Variants in WDR53 observed in about 807,000 individuals in gnomAD.
The protein encoded by WDR53 is WD repeat-containing protein 53.
Under a neutral mutation model 21.3 loss-of-function variants are expected in WDR53, and 19 were observed. The ratio of observed to expected loss-of-function variants is 0.89; its 90% CI spans 0.62 to 1.31. WDR53 has a LOEUF of 1.31. WDR53 is among the 50% of genes most tolerant of loss of function. The pLI is 0.00. For synonymous variants in WDR53, 157 were observed against 163.4 expected (o/e 0.96, Z 0.30); for missense variants, 374 against 423.2 (o/e 0.88, Z 1.02).
intron 3 of WDR53, among the ~76,000 whole-genome samples, chr3:196,558,789 A>AT: frequency 6.6e-6 from 1 of 152,238 alleles, no homozygotes; most frequent in South Asian, 2.1e-4. Flanking sequence ...CTGTGGAAAT[A>AT]ATTATAGAGT....
intron 3 of WDR53, among the ~76,000 whole-genome samples, chr3:196,558,670 G>A (rs1206008526): frequency 1.3e-5 from 2 of 152,226 alleles, no homozygotes; most frequent in Non-Finnish European, 2.9e-5. Context: ...ACTCAAAATA[G>A]TCAGAACTCC....
At position 196,554,677 on chromosome 3, in the gene WDR53, GA is replaced by G; in HGVS notation, c.610del (p.Ser204LeufsTer23). On this transcript the variant is annotated frameshift_variant, in exon 4 of 4. Transcript: ENST00000332629. LOFTEE classifies it high-confidence loss of function. ...AAAAATATTACCACACGAAGCCACA[GA>G]GATAGAATGGGCTAGGGCAGGGTTT... ...LLNPALAHSI[S>X]VASCGNIFSC... 1 of 1,614,192 alleles carries G rather than the reference GA, an allele frequency of 6.2e-7. No homozygotes were observed. Among genetic ancestry groups the G allele is most frequent in the Non-Finnish European group, 8.5e-7 (1 of 1,180,034 alleles).
At chr3:196,559,873 T>TATTTATTTATTAAAAATAAA (rs1401456738) in intron 3 of WDR53, among the ~76,000 whole-genome samples, 1 of 148,244 alleles carries the variant, frequency 6.7e-6, no homozygotes, top group Admixed American at 6.6e-5. Context: ...TGAATTTCAG[T>TATTTATTTATTAAAAATAAA]TTCTTTATTT....
In WDR53 at chr3:196,561,100, T is replaced by G. The variant is rs771256300; in HGVS notation, c.376A>C (p.Lys126Gln). 1 of 1,614,254 alleles carries G rather than the reference T, an allele frequency of 6.2e-7. No homozygotes were observed. The highest frequency in any genetic ancestry group is 1.7e-5 in the Admixed American group (1 of 60,028). ...GAIKILDLEN[K>Q]KVIRSLKRHS... ...CTCTTCAAGGATCTGATAACTTTCT[T>G]GTTTTCCAAGTCTAGGATTTTGATT... Residue 126 changes from lysine to glutamine, a missense_variant, in exon 3 of 4, where the codon AAG (lysine) becomes CAG (glutamine). Physicochemically the swap from Lys to Gln is moderately conservative, Grantham distance 53. Transcript: ENST00000332629.
In WDR53 at chr3:196,561,177, A is replaced by C; in HGVS notation, c.299T>G (p.Leu100Arg). 1 of 1,614,236 alleles carries C rather than the reference A, an allele frequency of 6.2e-7. No homozygotes were observed. The highest frequency in any genetic ancestry group is 8.5e-7 in the Non-Finnish European group (1 of 1,180,048). ...CAGGTTTTCCGTTTGATTCAATGAA[A>C]GACAATTGATTTCTTCTTCATTCAC... is the stretch of plus-strand genomic sequence containing the variant. ...FHVNEEEINC[L>R]SLNQTENLLA... Residue 100 changes from leucine to arginine, a missense_variant, in exon 3 of 4, where the codon CTT (leucine) becomes CGT (arginine). Transcript: ENST00000332629.
At chr3:196,554,951 C>T in intron 3 of WDR53, 144 bp from the exon 4 acceptor site, 2 of 662,812 alleles carry the variant, frequency 3.0e-6, no homozygotes, top group Non-Finnish European at 5.1e-6. Flanking sequence ...AAAAAATAAT[C>T]AAATGCTGCC....
chr3:196,557,905 G>T (rs1734481986), intron 3 of WDR53, among the ~76,000 whole-genome samples: 1 of 150,882 alleles, frequency 6.6e-6, no homozygotes, highest in South Asian at 2.1e-4. Flanking sequence ...AGCCCCCCAA[G>T]TAGCTGGGAC....
chr3:196,563,313 C>G (rs1423035188), intron 2 of WDR53, among the ~76,000 whole-genome samples: 1 of 152,138 alleles, frequency 6.6e-6, no homozygotes, highest in Non-Finnish European at 1.5e-5. Flanking sequence ...CTGCCGTGCC[C>G]GCCTGCTGGT....
intron 3 of WDR53, among the ~76,000 whole-genome samples, chr3:196,559,487 C>A (rs1734624989): frequency 6.6e-6 from 1 of 152,118 alleles, no homozygotes. Flanking sequence ...GAGAGGGGAA[C>A]AGCATGGTGA....
In WDR53 at chr3:196,566,999, A is replaced by G. The variant is rs538415479; in HGVS notation, c.-139T>C. 1 of 326,640 alleles carries G rather than the reference A, an allele frequency of 3.1e-6. No homozygotes were observed. The highest frequency in any genetic ancestry group is 3.9e-5 in the Admixed American group (1 of 25,374). 20.2% of individuals were successfully genotyped at this position (326,640 alleles called of 1,614,324 possible). A position where few individuals can be genotyped will look rare whatever the true frequency, so the allele number is the denominator to read the frequency against. ...CAAAGGCTCTGCCTCGGCTGCACTG[A>G]GACACGATAAAGGCCAGTCTTTAAA... On this transcript the variant is annotated 5_prime_UTR_variant, in exon 2 of 4. Coordinates refer to ENST00000332629, the MANE Select transcript of WDR53 (RefSeq NM_182627.3).
At position 196,561,124 on chromosome 3, in the gene WDR53, T is replaced by C. The variant is rs1734803474; in HGVS notation, c.352A>G (p.Ile118Val). 1 of 1,614,124 alleles carries C rather than the reference T, an allele frequency of 6.2e-7. No individual in the cohort carries two copies. Among genetic ancestry groups the C allele is most frequent in the African/African-American group, 1.3e-5 (1 of 74,946 alleles). The change falls in exon 3 of 4, where the codon ATC (isoleucine) becomes GTC (valine). Residue 118 changes from isoleucine (I) to valine (V), a missense_variant. Transcript: ENST00000332629. ...TTGTTTTCCAAGTCTAGGATTTTGA[T>C]TGCCCCAGAGTCGTCAGCAGAAGCC... ...LLASADDSGA[I>V]KILDLENKKV...
intron 1 of WDR53, among the ~76,000 whole-genome samples, chr3:196,567,751 T>TTGTGTG (rs3080583): frequency 0.05 from 7,228 of 143,534 alleles, 232 homozygotes; most frequent in African/African-American, 0.093. Context: ...GCTGAAATTC[T>TTGTGTG]TGTGTGTGTG....
intron 1 of WDR53, among the ~76,000 whole-genome samples, chr3:196,568,024 T>C (rs1171363205): frequency 6.6e-6 from 1 of 152,184 alleles, no homozygotes; most frequent in African/African-American, 2.4e-5. Context: ...CTCCACGTCA[T>C]TCTCCCTATT....
At position 196,554,549 on chromosome 3, in the gene WDR53, C is replaced by G. The variant is rs778792411; in HGVS notation, c.739G>C (p.Val247Leu). 3 of 1,614,020 alleles carry G rather than the reference C, an allele frequency of 1.9e-6. No individual in the cohort carries two copies. The highest frequency in any genetic ancestry group is 1.1e-5 in the South Asian group (1 of 91,084). ...FKGHTSGVSQ[V>L]CFLPESYLLL... ...AAATAGGATTCTGGGAGAAAGCAGA[C>G]CTGGGATACCCCTGAAGTGTGGCCC... is the stretch of plus-strand genomic sequence containing the variant. The change falls in exon 4 of 4, where the codon GTC becomes CTC. Residue 247 changes from valine (V) to leucine (L), a missense_variant. Coordinates refer to ENST00000332629, the MANE Select transcript of WDR53 (RefSeq NM_182627.3).
At chr3:196,563,575 CTTT>C (rs11332529) in intron 2 of WDR53, among the ~76,000 whole-genome samples, 3 of 143,748 alleles carry the variant, frequency 2.1e-5, no homozygotes, top group Non-Finnish European at 1.5e-5. Flanking sequence ...CAACACAAAG[CTTT>C]TTTTTTTTTT....
At chr3:196,556,432 G>A (rs568034838) in intron 3 of WDR53, among the ~76,000 whole-genome samples, 40 of 152,130 alleles carry the variant, frequency 2.6e-4, no homozygotes, top group Admixed American at 7.2e-4. Flanking sequence ...TGAGGTGGGC[G>A]GATCACGATG....
rs1397055331 is a variant in WDR53 at position 196,561,360 on chromosome 3, T to C, written c.116A>G (p.Asp39Gly). 3 of 1,614,066 alleles carry C rather than the reference T, an allele frequency of 1.9e-6. No individual in the cohort carries two copies. Among genetic ancestry groups the C allele is most frequent in the Non-Finnish European group, 1.7e-6 (2 of 1,180,010 alleles). The change falls in exon 3 of 4, where the codon GAT becomes GGT. Residue 39 changes from aspartate to glycine, a missense_variant. Asp to Gly is a moderately conservative substitution (Grantham distance 94). Transcript: ENST00000332629. ...CCGCGTGTGTCCTAATGGAGTTCCA[T>C]CTTCACCCCAAGCCGTGAGATCTCC... is the stretch of plus-strand genomic sequence containing the variant. ...EGGDLTAWGEDGTPLGHTRFQ... is the reference protein window; with the variant it reads ...EGGDLTAWGEGGTPLGHTRFQ...
At chr3:196,558,311 A>T (rs1416832437) in intron 3 of WDR53, among the ~76,000 whole-genome samples, 1 of 151,964 alleles carries the variant, frequency 6.6e-6, no homozygotes, top group African/African-American at 2.4e-5. Context: ...GGCTCAGGTG[A>T]TCCTCCCACG....
intron 2 of WDR53, among the ~76,000 whole-genome samples, chr3:196,563,961 C>T (rs1735128529): frequency 6.6e-6 from 1 of 152,102 alleles, no homozygotes; most frequent in Admixed American, 6.5e-5. Context: ...GAAACGTGAT[C>T]ACAAAATCAA....
Sources: allele counts gnomAD v4.1 joint callset (sites outside exome capture counted in the v4.1 genomes callset), GRCh38; gene constraint gnomAD v4.1.1; transcripts MANE v1.5; gene names NCBI Gene and HGNC (gene_info 2026-07-23, HGNC 2026-07-21).